Variants in STAT4 observed in about 807,000 individuals in gnomAD.
The protein encoded by STAT4 is signal transducer and activator of transcription 4.
A neutral mutation model predicts 110.5 loss-of-function variants in STAT4; 42 were observed. The observed-to-expected ratio is 0.38, with a 90% CI of 0.30 to 0.49. STAT4 has a LOEUF of 0.49. STAT4 is among the 20% of genes least tolerant of loss of function. The pLI is 0.95. For missense variants in STAT4, 632 were observed against 887.9 expected (o/e 0.71, Z 3.66); for synonymous variants, 284 against 302.2 (o/e 0.94, Z 0.63).
chr2:191,125,506 G>A (rs865831864), intron 3 of STAT4, among the ~76,000 whole-genome samples: 2 of 28,950 alleles, frequency 6.9e-5, no homozygotes, highest in Non-Finnish European at 9.5e-5. Flanking sequence ...TATTATTATT[G>A]AGACAGGGCC....
chr2:191,032,924 GA>G lies in STAT4; in HGVS notation c.2044+33del, dbSNP rs199645212. On this transcript the variant is annotated intron_variant, in intron 21 of 23. Transcript: ENST00000392320. This position sits in a 1 kb window ranked among gnomAD's most constrained non-coding sequence, Gnocchi z 4.9. ...TGAGGTTATTTTCCAAAATCTTAAG[GA>G]AAAAAAAACAAAAACAAACAGAAAA... 7.3e-6 allele frequency: 11 copies of G among 1,516,048 alleles called. No homozygotes were observed. Among genetic ancestry groups the G allele is most frequent in the African/African-American group, 2.8e-5 (2 of 70,414 alleles). 93.9% of individuals were successfully genotyped at this position (1,516,048 alleles called of 1,614,324 possible).
intron 3 of STAT4, among the ~76,000 whole-genome samples, chr2:191,092,303 C>G (rs1030624098): frequency 2.6e-5 from 4 of 152,104 alleles, no homozygotes; most frequent in African/African-American, 9.7e-5. Context: ...ACTGAGGAGG[C>G]TGATGCAGGA....
In STAT4 at chr2:191,140,411, T is replaced by C. The variant is rs921309122; in HGVS notation, c.273+6202A>G. ...AACAAATCAGCAAAAAAACTAATAA[T>C]AATCCCATCAAAAAGCGGGCAAAGG... On this transcript the variant is annotated intron_variant, in intron 3 of 23. Transcript: ENST00000392320. The surrounding 1 kb of genome is among the most constrained non-coding windows in gnomAD (Gnocchi z 4.4). 1.3e-5 allele frequency among the ~76,000 whole-genome samples: 2 copies of C among 152,056 alleles called. No individual in the cohort carries two copies. The highest frequency in any genetic ancestry group is 4.8e-5 in the African/African-American group (2 of 41,420).
chr2:191,137,764 G>T (rs1030597969), intron 3 of STAT4, among the ~76,000 whole-genome samples: 1 of 152,006 alleles, frequency 6.6e-6, no homozygotes, highest in Admixed American at 6.6e-5. Flanking sequence ...ACCTACACTC[G>T]GGCAAAAACA....
At chr2:191,121,989 T>C (rs1041944476) in intron 3 of STAT4, 2 of 152,106 alleles carry the variant, frequency 1.3e-5, no homozygotes, top group Non-Finnish European at 2.9e-5. Context: ...ATTGGAAAGA[T>C]ACAGAGTAGA....
At chr2:191,100,704 T>C (rs1191105182) in intron 3 of STAT4, among the ~76,000 whole-genome samples, 1 of 152,008 alleles carries the variant, frequency 6.6e-6, no homozygotes, top group Admixed American at 6.6e-5. Flanking sequence ...TCAACCTCTT[T>C]CTCCTATCAT....
intron 17 of STAT4, 106 bp downstream of exon 17, chr2:191,036,058 T>C: frequency 3.7e-6 from 5 of 1,341,042 alleles, no homozygotes; most frequent in Non-Finnish European, 5.0e-6. Flanking sequence ...ATTGAATAAA[T>C]TATGATTATC....
intron 3 of STAT4, among the ~76,000 whole-genome samples, chr2:191,098,660 T>C (rs1348701113): frequency 1.3e-5 from 2 of 152,134 alleles, no homozygotes; most frequent in Non-Finnish European, 2.9e-5. Flanking sequence ...CTAATGTAAA[T>C]GACGAGTTAA....
rs149822646 is a variant in STAT4, at chr2:191,061,265, G to C, written c.1034+464C>G. Reference sequence around the variant, plus strand: ...CTGGGTAATCTCAGGAGATGAATGTGCCACTGTGTTTCCTGGATAGGATAT... The same window carrying C: ...CTGGGTAATCTCAGGAGATGAATGTCCCACTGTGTTTCCTGGATAGGATAT... On this transcript the variant is annotated intron_variant, in intron 10 of 23. Transcript: ENST00000392320. This position sits in a 1 kb window ranked among gnomAD's most constrained non-coding sequence, Gnocchi z 6.2. 6.6e-6 allele frequency among the ~76,000 whole-genome samples: 1 copy of C among 152,238 alleles called. No individual in the cohort carries two copies. Among genetic ancestry groups the C allele is most frequent in the African/African-American group, 2.4e-5 (1 of 41,536 alleles).
At chr2:191,102,397 T>C (rs966320997) in intron 3 of STAT4, among the ~76,000 whole-genome samples, 3 of 152,208 alleles carry the variant, frequency 2.0e-5, no homozygotes, top group East Asian at 3.8e-4. Flanking sequence ...AAGGTATTTA[T>C]ATAGTTGTTC....
intron 3 of STAT4, among the ~76,000 whole-genome samples, chr2:191,125,476 T>TTTTTTATTATTA (rs141291456): frequency 4.3e-5 from 6 of 138,014 alleles, no homozygotes; most frequent in African/African-American, 1.6e-4. Context: ...ATCCTCATTA[T>TTTTTTATTATTA]TTATTATTAT....
chr2:191,088,987 C>G (rs1401986798), intron 3 of STAT4, among the ~76,000 whole-genome samples: 1 of 152,098 alleles, frequency 6.6e-6, no homozygotes, highest in Non-Finnish European at 1.5e-5. Flanking sequence ...CTATAAACGT[C>G]TTAGAAGATA....
Position 191,042,778 on chromosome 2 carries a change from T to TC in STAT4, c.1252-1631_1252-1630insG, listed in dbSNP as rs5837217. ...TTAAATTCATTCATTGTATTCTCTC[T>TC]TTTTTTTTTTTCTTTTTTGAGATGC... On this transcript the variant is annotated intron_variant, in intron 14 of 23. Coordinates refer to ENST00000392320, the MANE Select transcript of STAT4 (RefSeq NM_003151.4). This position sits in a 1 kb window ranked among gnomAD's most constrained non-coding sequence, Gnocchi z 4.2. Among the ~76,000 whole-genome samples, 6 of 70,880 alleles carry TC rather than the reference T, an allele frequency of 8.5e-5. No homozygotes were observed. Among genetic ancestry groups the TC allele is most frequent in the African/African-American group, 3.1e-4 (5 of 16,208 alleles). The allele number at this position is 70,880 out of a possible 152,430, so 46.5% of individuals were successfully genotyped here.
At position 191,113,234 on chromosome 2, in the gene STAT4, G is replaced by A. The variant is rs1229719684; in HGVS notation, c.273+33379C>T. Among the ~76,000 whole-genome samples the A allele has an allele frequency of 1.3e-5, 2 of 152,182 alleles. No homozygotes were observed. The highest frequency in any genetic ancestry group is 2.9e-5 in the Non-Finnish European group (2 of 68,028). On this transcript the variant is annotated intron_variant, in intron 3 of 23. Transcript: ENST00000392320. This position sits in a 1 kb window ranked among gnomAD's most constrained non-coding sequence, Gnocchi z 4.8. ...TTCATTTGTTCCACAAATTTGTACTGAACAGCAATTATTGCCAGGCACTGA... is the reference window on the plus strand; with the variant it reads ...TTCATTTGTTCCACAAATTTGTACTAAACAGCAATTATTGCCAGGCACTGA...
At chr2:191,118,869 C>T (rs1325985250) in intron 3 of STAT4, among the ~76,000 whole-genome samples, 2 of 152,106 alleles carry the variant, frequency 1.3e-5, no homozygotes, top group East Asian at 1.9e-4. Flanking sequence ...GGTGATGCTC[C>T]CACCTCAGCT....
At chr2:191,141,389 T>C (rs1161100446) in intron 3 of STAT4, among the ~76,000 whole-genome samples, 2 of 148,468 alleles carry the variant, frequency 1.3e-5, no homozygotes, top group African/African-American at 2.5e-5. Flanking sequence ...TACATGTATA[T>C]ATATATCATA....
At chr2:191,057,328 C>G (rs1015076617) in intron 13 of STAT4, among the ~76,000 whole-genome samples, 14 of 152,170 alleles carry the variant, frequency 9.2e-5, no homozygotes, top group African/African-American at 2.7e-4. Context: ...ATCCATGTTG[C>G]TGCGTATGAC....
At chr2:191,106,995 C>A (rs1698301489) in intron 3 of STAT4, among the ~76,000 whole-genome samples, 1 of 152,156 alleles carries the variant, frequency 6.6e-6, no homozygotes, top group African/African-American at 2.4e-5. Flanking sequence ...TTTGGTGATA[C>A]ATTTGGATTG....
rs929257453 is a variant in STAT4, at chr2:191,112,430, T to G, written c.273+34183A>C. On this transcript the variant is annotated intron_variant, in intron 3 of 23. Coordinates refer to ENST00000392320, the MANE Select transcript of STAT4 (RefSeq NM_003151.4). The surrounding 1 kb of genome is among the most constrained non-coding windows in gnomAD (Gnocchi z 4.3). ...TAATGAGGTAATGAAAGTAGCACTG[T>G]GTACCAGTGTATCTAGTAGTAAATG... is the stretch of plus-strand genomic sequence containing the variant. Among the ~76,000 whole-genome samples the G allele has an allele frequency of 5.3e-5, 8 of 152,212 alleles. No homozygotes were observed. Among genetic ancestry groups the G allele is most frequent in the African/African-American group, 1.7e-4 (7 of 41,454 alleles).
Sources: gnomAD v4.1 joint callset for allele counts (sites outside exome capture counted in the v4.1 genomes callset) on GRCh38, gnomAD v4.1.1 for gene constraint, Gnocchi (gnomAD v3.1) non-coding constraint, MANE v1.5 for transcripts, NCBI Gene and HGNC (gene_info 2026-07-23, HGNC 2026-07-21) for gene names.